The following RBFOX3 variants were observed in gnomAD, a reference collection of about 807,000 sequenced individuals.
RBFOX3 encodes RNA binding fox-1 homolog 3, also known as RNA binding protein fox-1 homolog 3.
A neutral mutation model predicts 48.7 loss-of-function variants in RBFOX3; 17 were observed. The observed-to-expected ratio is 0.35, with a 90% CI of 0.24 to 0.52. The LOEUF (loss-of-function observed/expected upper bound fraction) is 0.52. RBFOX3 is among the 20% of genes least tolerant of loss of function. RBFOX3 has a pLI of 0.94. For synonymous variants in RBFOX3, 212 were observed against 209.5 expected (o/e 1.01, Z -0.10); for missense variants, 382 against 497.5 (o/e 0.77, Z 2.21).
Position 79,111,599 on chromosome 17 carries a change from T to A in RBFOX3, c.222+3895A>T, listed in dbSNP as rs1006255127. On this transcript the variant is annotated intron_variant, in intron 5 of 14. Transcript: ENST00000693108. This position sits in a 1 kb window ranked among gnomAD's most constrained non-coding sequence, Gnocchi z 4.2. The stretch of plus-strand genomic sequence containing the variant: ...TACAGGCACGAGCCACCATGCCCGA[T>A]TAATTTTTGTATTTTTGTAGAGACA... 6.6e-6 allele frequency among the ~76,000 whole-genome samples: 1 copy of A among 152,070 alleles called. No homozygotes were observed. Among genetic ancestry groups the A allele is most frequent in the Admixed American group, 6.5e-5 (1 of 15,272 alleles).
chr17:79,454,229 C>T (rs1347204526), intron 2 of RBFOX3, among the ~76,000 whole-genome samples: 1 of 152,170 alleles, frequency 6.6e-6, no homozygotes, highest in African/African-American at 2.4e-5. Flanking sequence ...CCGCATGCCC[C>T]AGGCCTGGGC....
At chr17:79,458,679 TG>T (rs1285217860) in intron 2 of RBFOX3, among the ~76,000 whole-genome samples, 1 of 151,996 alleles carries the variant, frequency 6.6e-6, no homozygotes, top group Non-Finnish European at 1.5e-5. Flanking sequence ...TCAGCTGAGC[TG>T]GGGCGGGGGC....
At chr17:79,263,848 C>T (rs978020690) in intron 3 of RBFOX3, among the ~76,000 whole-genome samples, 35 of 152,272 alleles carry the variant, frequency 2.3e-4, no homozygotes, top group African/African-American at 8.2e-4. Flanking sequence ...GGAAAAGGAT[C>T]TTTGCAGATA....
At chr17:79,398,213 T>C (rs1316179786) in intron 2 of RBFOX3, among the ~76,000 whole-genome samples, 1 of 152,136 alleles carries the variant, frequency 6.6e-6, no homozygotes, top group Non-Finnish European at 1.5e-5. Flanking sequence ...AGGCTCATTA[T>C]GCACCAGAAA....
rs1314274466 is a variant in RBFOX3, at chr17:79,363,672, A to G, written c.-174-55848T>C. On this transcript the variant is annotated intron_variant, in intron 2 of 14. Transcript: ENST00000693108. This position sits in a 1 kb window ranked among gnomAD's most constrained non-coding sequence, Gnocchi z 4.7. Reference sequence around the variant, plus strand: ...CCTCCTTTCCTTGATGCCAGTATCCAGGCCACCAGCAGGTGTTTCAGGGAC... The same window carrying G: ...CCTCCTTTCCTTGATGCCAGTATCCGGGCCACCAGCAGGTGTTTCAGGGAC... 1.3e-5 allele frequency among the ~76,000 whole-genome samples: 2 copies of G among 151,864 alleles called. No homozygotes were observed.
intron 1 of RBFOX3, among the ~76,000 whole-genome samples, chr17:79,575,720 C>T (rs1026586437): frequency 6.6e-6 from 1 of 152,306 alleles, no homozygotes; most frequent in East Asian, 1.9e-4. Context: ...AAGGCACTTC[C>T]GACTTCTGAG....
intron 1 of RBFOX3, among the ~76,000 whole-genome samples, chr17:79,594,860 C>T (rs916388655): frequency 2.6e-5 from 4 of 152,130 alleles, no homozygotes; most frequent in East Asian, 1.9e-4. Context: ...CGGCATGCCC[C>T]GGAAGCCACC....
At chr17:79,453,257 G>C (rs529196484) in intron 2 of RBFOX3, among the ~76,000 whole-genome samples, 8 of 152,356 alleles carry the variant, frequency 5.3e-5, no homozygotes, top group East Asian at 1.9e-4. Flanking sequence ...AGTCCAGAGC[G>C]ATGCCCAGAG....
chr17:79,448,989 C>A (rs528995074), intron 2 of RBFOX3, among the ~76,000 whole-genome samples: 9 of 152,212 alleles, frequency 5.9e-5, no homozygotes, highest in Admixed American at 3.9e-4. Flanking sequence ...CAGCCACGCT[C>A]CCCTGTGGAC....
At chr17:79,110,632 G>A (rs2030886416) in intron 5 of RBFOX3, among the ~76,000 whole-genome samples, 1 of 152,260 alleles carries the variant, frequency 6.6e-6, no homozygotes, top group Non-Finnish European at 1.5e-5. Flanking sequence ...TGGGCAGCCA[G>A]TCAGCCTTGG....
At chr17:79,126,963 C>T (rs551765533) in intron 4 of RBFOX3, among the ~76,000 whole-genome samples, 10 of 152,306 alleles carry the variant, frequency 6.6e-5, no homozygotes, top group African/African-American at 1.7e-4. Context: ...CCTCCAAGAA[C>T]GCACAGAATC....
chr17:79,144,519 T>G (rs1389436879), intron 4 of RBFOX3, among the ~76,000 whole-genome samples: 1 of 152,112 alleles, frequency 6.6e-6, no homozygotes, highest in African/African-American at 2.4e-5. Flanking sequence ...TCAAGCATGC[T>G]CTGCGCCCCA....
At chr17:79,622,177 C>G in the RBFOX3 span, among the ~76,000 whole-genome samples, 1 of 152,218 alleles carries the variant, frequency 6.6e-6, no homozygotes, top group South Asian at 2.1e-4. Flanking sequence ...TCACCACCCA[C>G]AAAGGCAGCA....
At chr17:79,369,525 C>T (rs1200157613) in intron 2 of RBFOX3, among the ~76,000 whole-genome samples, 1 of 152,192 alleles carries the variant, frequency 6.6e-6, no homozygotes, top group African/African-American at 2.4e-5. Context: ...GGCGCCTCCT[C>T]CCAGGCCTTT....
At position 79,477,975 on chromosome 17, in the gene RBFOX3, A is replaced by AG. The variant is rs2078188164; in HGVS notation, c.-175+4478_-175+4479insC. ...AGGAGCACCTAGGACGAGCTCCTGC[A>AG]AAAGGAATGCATTCACTGCAAGCCT... On this transcript the variant is annotated intron_variant, in intron 2 of 14. Coordinates refer to ENST00000693108, the MANE Select transcript of RBFOX3 (RefSeq NM_001350451.2). The surrounding 1 kb of genome is among the most constrained non-coding windows in gnomAD (Gnocchi z 4.8). Among the ~76,000 whole-genome samples the AG allele has an allele frequency of 6.6e-6, 1 of 152,174 alleles. No individual in the cohort carries two copies. Among genetic ancestry groups the AG allele is most frequent in the Non-Finnish European group, 1.5e-5 (1 of 68,024 alleles).
At chr17:79,295,817 C>T (rs778341351) in intron 3 of RBFOX3, among the ~76,000 whole-genome samples, 8 of 151,984 alleles carry the variant, frequency 5.3e-5, no homozygotes, top group Non-Finnish European at 1.2e-4. Context: ...GCATGGGGTG[C>T]GTTTGAGGAA....
intron 4 of RBFOX3, among the ~76,000 whole-genome samples, chr17:79,140,637 C>T (rs986290454): frequency 9.9e-5 from 15 of 152,228 alleles, no homozygotes; most frequent in South Asian, 2.1e-4. Context: ...GACAGACCAA[C>T]CCAGGCGTGT....
chr17:79,542,846 C>T (rs2089906818), intron 1 of RBFOX3, among the ~76,000 whole-genome samples: 1 of 152,124 alleles, frequency 6.6e-6, no homozygotes, highest in African/African-American at 2.4e-5. Flanking sequence ...TTTTATTTAA[C>T]CTAATATATT....
chr17:79,142,534 C>T (rs1345437491), intron 4 of RBFOX3, among the ~76,000 whole-genome samples: 1 of 152,120 alleles, frequency 6.6e-6, no homozygotes, highest in Non-Finnish European at 1.5e-5. Flanking sequence ...TCTGCCCCTA[C>T]TGGGGCTGCA....
Sources: allele counts gnomAD v4.1 joint callset (sites outside exome capture counted in the v4.1 genomes callset), GRCh38; gene constraint gnomAD v4.1.1; non-coding constraint Gnocchi (gnomAD v3.1); transcripts MANE v1.5; gene names NCBI Gene and HGNC (gene_info 2026-07-23, HGNC 2026-07-21).